The following SPRED2 variants were observed in gnomAD, a reference collection of about 807,000 sequenced individuals.
The protein encoded by SPRED2 is sprouty-related, EVH1 domain-containing protein 2.
Under a neutral mutation model 43.0 loss-of-function variants are expected in SPRED2, and 47 were observed. The observed-to-expected ratio is 1.09, with a 90% CI of 0.87 to 1.40. The LOEUF (loss-of-function observed/expected upper bound fraction) is 1.40, where lower values mean the gene tolerates loss of function less well. Ranked by LOEUF, SPRED2 falls within the 40% of genes most tolerant of loss-of-function variation. The pLI is 0.00. For missense variants in SPRED2, 561 were observed against 586.4 expected (o/e 0.96, Z 0.45); for synonymous variants, 225 against 225.7 (o/e 1.00, Z 0.03).
intron 4 of SPRED2, among the ~76,000 whole-genome samples, chr2:65,322,295 T>TATATATA (rs1491266235): frequency 2.4e-4 from 11 of 44,976 alleles, no homozygotes; most frequent in African/African-American, 1.2e-3. Context: ...TATATATATA[T>TATATATA]TTTTTTTTTT....
rs1458766939 is a variant in SPRED2, at chr2:65,337,968, T to C, written c.205-3195A>G. On this transcript the variant is annotated intron_variant, in intron 2 of 5. Transcript: ENST00000356388. ...GCGATATTAAGAAATGTAGTTTTTT[T>C]ATATTAATGAGTTAGTGGCAATACT... Among the ~76,000 whole-genome samples, 5 of 152,230 alleles carry C rather than the reference T, an allele frequency of 3.3e-5. No individual in the cohort carries two copies. The East Asian group carries it at 9.6e-4, about 29-fold the overall frequency.
chr2:65,426,821 A>G (rs1050254736), intron 1 of SPRED2, among the ~76,000 whole-genome samples: 9 of 152,214 alleles, frequency 5.9e-5, no homozygotes, highest in African/African-American at 2.2e-4. Flanking sequence ...TCCACTTTGT[A>G]TATATTGTAC....
At chr2:65,397,528 C>T (rs1675783968) in intron 1 of SPRED2, among the ~76,000 whole-genome samples, 1 of 152,082 alleles carries the variant, frequency 6.6e-6, no homozygotes, top group South Asian at 2.1e-4. Flanking sequence ...CTTGGTCCAT[C>T]ACTAGGTCCA....
Position 65,313,632 on chromosome 2 carries a change from G to C in SPRED2, c.1126C>G (p.Leu376Val). ...AAGGCAATAAGAGCCATCCACCGGA[G>C]GCAAAACTTCTCGTCGCTAGTATCG... ...SCDTSDEKFC[L>V]RWMALIALSF... Residue 376 changes from leucine (L) to valine (V), a missense_variant, in exon 6 of 6, where the codon CTC becomes GTC. Leu to Val is a conservative substitution (Grantham distance 32, BLOSUM62 1). This residue lies in a region of SPRED2 where 65 missense variants were observed against 60.2 expected (regional missense o/e 1.08). Coordinates refer to ENST00000356388, the MANE Select transcript of SPRED2 (RefSeq NM_181784.3). The C allele has an allele frequency of 1.2e-6, 2 of 1,614,200 alleles. No homozygotes were observed. The highest frequency in any genetic ancestry group is 1.7e-6 in the Non-Finnish European group (2 of 1,180,026).
intron 1 of SPRED2, among the ~76,000 whole-genome samples, chr2:65,399,383 C>CT (rs34672484): frequency 0.11 from 13,562 of 125,328 alleles, 1,186 homozygotes; most frequent in Non-Finnish European, 0.16. Flanking sequence ...AACTATTATT[C>CT]TTTTTTTTTT....
chr2:65,364,291 T>C (rs1674906092), intron 1 of SPRED2, among the ~76,000 whole-genome samples: 1 of 152,254 alleles, frequency 6.6e-6, no homozygotes, highest in African/African-American at 2.4e-5. Flanking sequence ...AGAACCGGAC[T>C]GGGCTCAGAT....
At chr2:65,336,640 C>T (rs1164362539) in intron 2 of SPRED2, among the ~76,000 whole-genome samples, 1 of 152,132 alleles carries the variant, frequency 6.6e-6, no homozygotes, top group Admixed American at 6.5e-5. Context: ...AAGAATTTAA[C>T]AAATGTTATC....
At chr2:65,328,185 ATCT>A (rs1476037065) in intron 4 of SPRED2, among the ~76,000 whole-genome samples, 1 of 152,132 alleles carries the variant, frequency 6.6e-6, no homozygotes, top group Non-Finnish European at 1.5e-5. Context: ...TGATCAACTG[ATCT>A]TCTAAAATGA....
intron 1 of SPRED2, among the ~76,000 whole-genome samples, chr2:65,425,843 G>A (rs368647932): frequency 6.6e-6 from 1 of 152,084 alleles, no homozygotes; most frequent in Admixed American, 6.6e-5. Flanking sequence ...TAAAAAACTC[G>A]GCCTAATTTA....
chr2:65,385,643 C>T (rs1460350740), intron 1 of SPRED2, among the ~76,000 whole-genome samples: 1 of 152,096 alleles, frequency 6.6e-6, no homozygotes, highest in Non-Finnish European at 1.5e-5. Context: ...TGTTTGATTC[C>T]CTACCCACTG....
At chr2:65,415,885 G>T (rs1441956586) in intron 1 of SPRED2, among the ~76,000 whole-genome samples, 1 of 152,086 alleles carries the variant, frequency 6.6e-6, no homozygotes, top group African/African-American at 2.4e-5. Flanking sequence ...AAGAACAAAG[G>T]GCGAAAGAAA....
intron 1 of SPRED2, chr2:65,366,501 T>C (rs1674982618): frequency 2.1e-6 from 3 of 1,403,094 alleles, no homozygotes; most frequent in South Asian, 2.6e-5. Context: ...AATTTTCTCC[T>C]TTAAAAAAAT....
intron 4 of SPRED2, among the ~76,000 whole-genome samples, chr2:65,329,328 A>T (rs772216322): frequency 2.4e-4 from 37 of 152,228 alleles, no homozygotes; most frequent in Non-Finnish European, 2.5e-4. Context: ...CTGGTTTGTA[A>T]GCCCTGATGG....
At chr2:65,381,183 C>T (rs1420528506) in intron 1 of SPRED2, among the ~76,000 whole-genome samples, 5 of 152,332 alleles carry the variant, frequency 3.3e-5, no homozygotes, top group African/African-American at 9.6e-5. Context: ...AGCTCAGAGG[C>T]GCTCAGTGCT....
chr2:65,394,224 C>T (rs1440112104), intron 1 of SPRED2, among the ~76,000 whole-genome samples: 1 of 152,230 alleles, frequency 6.6e-6, no homozygotes, highest in African/African-American at 2.4e-5. Flanking sequence ...AGACCAACCA[C>T]ACAGTTCAAC....
intron 1 of SPRED2, among the ~76,000 whole-genome samples, chr2:65,401,822 T>TA (rs1225510673): frequency 6.6e-6 from 1 of 150,570 alleles, no homozygotes; most frequent in Non-Finnish European, 1.5e-5. Flanking sequence ...AATAAATAAA[T>TA]AAAAAAGGAA....
At chr2:65,392,451 C>T (rs1675661897) in intron 1 of SPRED2, among the ~76,000 whole-genome samples, 1 of 152,192 alleles carries the variant, frequency 6.6e-6, no homozygotes, top group South Asian at 2.1e-4. Context: ...GCTAAGATTA[C>T]AGGCGTGAGC....
chr2:65,425,956 G>A (rs1676545746), intron 1 of SPRED2, among the ~76,000 whole-genome samples: 1 of 152,176 alleles, frequency 6.6e-6, no homozygotes. Context: ...CTGTTAGACT[G>A]TATTTGTGTT....
At chr2:65,320,964 C>T (rs1488341705) in intron 4 of SPRED2, among the ~76,000 whole-genome samples, 1 of 152,232 alleles carries the variant, frequency 6.6e-6, no homozygotes, top group Non-Finnish European at 1.5e-5. Context: ...TTTCTGTGCA[C>T]AAGCTACTGA....
Sources: allele counts gnomAD v4.1 joint callset (sites outside exome capture counted in the v4.1 genomes callset), GRCh38; gene constraint gnomAD v4.1.1; regional missense constraint gnomAD v4.1.1; transcripts MANE v1.5; gene names NCBI Gene and HGNC (gene_info 2026-07-23, HGNC 2026-07-21).